SPATA6: variants seen among roughly 807,000 people sequenced by gnomAD.
SPATA6 encodes the protein spermatogenesis-associated protein 6.
SPATA6 carries 56 observed loss-of-function variants against 65.3 expected under a neutral mutation model. That is an observed-to-expected ratio of 0.86 (90% confidence interval 0.69 to 1.07). The LOEUF is 1.07. Ranked by LOEUF, SPATA6 falls within the 50% of genes least tolerant of loss-of-function variation. SPATA6 has a pLI of 0.00. For synonymous variants in SPATA6, 199 were observed against 213.2 expected (o/e 0.93, Z 0.58); for missense variants, 590 against 594.8 (o/e 0.99, Z 0.08).
At chr1:48,428,805 G>GTGTA in intron 3 of SPATA6, among the ~76,000 whole-genome samples, 1 of 112,762 alleles carries the variant, frequency 8.9e-6, no homozygotes, top group East Asian at 2.6e-4. Context: ...GTGTGTGTGT[G>GTGTA]TGTGTATATG....
intron 9 of SPATA6, among the ~76,000 whole-genome samples, chr1:48,367,725 A>G (rs1647073305): frequency 6.6e-6 from 1 of 152,178 alleles, no homozygotes; most frequent in African/African-American, 2.4e-5. Context: ...AGTACAGCAC[A>G]CTGATGGGTC....
intron 9 of SPATA6, among the ~76,000 whole-genome samples, chr1:48,379,776 C>T (rs984821960): frequency 6.6e-6 from 1 of 152,096 alleles, no homozygotes; most frequent in Non-Finnish European, 1.5e-5. Context: ...ATTTATTTAT[C>T]ATGGTGACAT....
chr1:48,329,817 C>T (rs1014825343), intron 11 of SPATA6, among the ~76,000 whole-genome samples: 15 of 152,204 alleles, frequency 9.9e-5, no homozygotes, highest in Admixed American at 7.9e-4. Flanking sequence ...GGGTGAGTGA[C>T]AGTCCCCAGG....
chr1:48,280,360 C>CA, the SPATA6 span, among the ~76,000 whole-genome samples: 2 of 151,926 alleles, frequency 1.3e-5, no homozygotes, highest in African/African-American at 4.8e-5. Flanking sequence ...AATAGAGACA[C>CA]AAAAAACCCT....
intron 11 of SPATA6, among the ~76,000 whole-genome samples, chr1:48,329,810 T>C (rs894752517): frequency 6.6e-6 from 1 of 152,142 alleles, no homozygotes; most frequent in African/African-American, 2.4e-5. Context: ...CTGGAAAGGG[T>C]GAGTGACAGT....
chr1:48,316,616 G>A (rs1297041208), intron 11 of SPATA6, among the ~76,000 whole-genome samples: 2 of 152,068 alleles, frequency 1.3e-5, no homozygotes, highest in African/African-American at 4.8e-5. Context: ...CAGGACATAG[G>A]CATGAGCAAG....
intron 9 of SPATA6, among the ~76,000 whole-genome samples, chr1:48,374,355 A>G (rs1647645929): frequency 6.6e-6 from 1 of 152,154 alleles, no homozygotes; most frequent in Non-Finnish European, 1.5e-5. Context: ...CAAGCCATAA[A>G]GTTTCTAGGA....
At chr1:48,306,573 C>G (rs1645067626) in intron 11 of SPATA6, among the ~76,000 whole-genome samples, 3 of 151,882 alleles carry the variant, frequency 2.0e-5, no homozygotes, top group Admixed American at 2.0e-4. Flanking sequence ...ATATCTTTTT[C>G]AACTACTAGC....
intron 11 of SPATA6, among the ~76,000 whole-genome samples, chr1:48,317,648 G>C (rs992873780): frequency 3.9e-5 from 6 of 151,942 alleles, no homozygotes; most frequent in African/African-American, 1.5e-4. Context: ...TGCACGTTGT[G>C]CACATGTACC....
In SPATA6 at chr1:48,396,711, AG is replaced by A. The variant is rs1216888476; in HGVS notation, c.781-1358del. ...ATCACACTTAATATGAGGTACCAAG[AG>A]TAGTCAAATTCATAGAAATAGTAGA... On this transcript the variant is annotated intron_variant, in intron 7 of 12. Transcript: ENST00000371847. Among the ~76,000 whole-genome samples, 3 of 151,810 alleles carry A rather than the reference AG, an allele frequency of 2.0e-5. No individual in the cohort carries two copies. In the East Asian group the frequency reaches 5.8e-4, roughly 29 times the overall value.
chr1:48,317,750 A>T (rs7534202), intron 11 of SPATA6, among the ~76,000 whole-genome samples: 148,843 of 152,274 alleles, frequency 0.98, 72,836 homozygotes, highest in East Asian at 1. Flanking sequence ...TTAAGAAGAA[A>T]GAACACCAAA....
intron 11 of SPATA6, among the ~76,000 whole-genome samples, chr1:48,344,954 G>A (rs886619758): frequency 4.6e-5 from 7 of 151,990 alleles, no homozygotes; most frequent in African/African-American, 1.7e-4. Flanking sequence ...CTGACAATAT[G>A]AGACAGATCG....
At chr1:48,349,190 T>C (rs1362647717) in intron 11 of SPATA6, among the ~76,000 whole-genome samples, 1 of 152,010 alleles carries the variant, frequency 6.6e-6, no homozygotes, top group Non-Finnish European at 1.5e-5. Context: ...ACAGAAATGC[T>C]CATTTGTTTA....
chr1:48,399,339 G>A lies in SPATA6; in HGVS notation c.780+12C>T. On this transcript the variant is annotated intron_variant, in intron 7 of 12. Transcript: ENST00000371847. ...ATCAGTTTCAAATAGAAATGCTTAA[G>A]AGAACACATACATGTCTAATCACAA... 6.2e-7 allele frequency: 1 copy of A among 1,603,102 alleles called. No homozygotes were observed. The highest frequency in any genetic ancestry group is 8.5e-7 in the Non-Finnish European group (1 of 1,175,238).
chr1:48,423,564 C>CTTTTTTTTTTTTTTTTT (rs781669150), intron 3 of SPATA6, among the ~76,000 whole-genome samples: 1 of 121,064 alleles, frequency 8.3e-6, no homozygotes, highest in African/African-American at 3.4e-5. Flanking sequence ...TTCTTTCTTT[C>CTTTTTTTTTTTTTTTTT]TTTTTTTTTT....
intron 7 of SPATA6, among the ~76,000 whole-genome samples, chr1:48,398,661 T>C (rs1298627838): frequency 1.3e-5 from 2 of 151,768 alleles, no homozygotes; most frequent in Admixed American, 6.6e-5. Flanking sequence ...AAATACTTCA[T>C]AGAAATTCAG....
At chr1:48,467,343 C>G (rs1457506472) in intron 1 of SPATA6, among the ~76,000 whole-genome samples, 4 of 152,158 alleles carry the variant, frequency 2.6e-5, no homozygotes, top group African/African-American at 9.6e-5. Flanking sequence ...TTGCAACTTT[C>G]AACAGGCAAT....
chr1:48,267,636 A>G, the SPATA6 span, among the ~76,000 whole-genome samples: 1 of 150,976 alleles, frequency 6.6e-6, no homozygotes, highest in Non-Finnish European at 1.5e-5. Flanking sequence ...GTTCCTCCTC[A>G]TCAGTGTGCA....
chr1:48,328,641 A>C (rs1372979320), intron 11 of SPATA6, among the ~76,000 whole-genome samples: 1 of 152,190 alleles, frequency 6.6e-6, no homozygotes, highest in Non-Finnish European at 1.5e-5. Context: ...CAATGGTTAC[A>C]AAATATCTTC....
Sources: gnomAD v4.1 joint callset for allele counts (sites outside exome capture counted in the v4.1 genomes callset) on GRCh38, gnomAD v4.1.1 for gene constraint, MANE v1.5 for transcripts, NCBI Gene and HGNC (gene_info 2026-07-23, HGNC 2026-07-21) for gene names.